Variants in TRPC4AP observed in about 807,000 individuals in gnomAD.
TRPC4AP encodes the protein short transient receptor potential channel 4-associated protein.
A neutral mutation model predicts 99.0 loss-of-function variants in TRPC4AP; 45 were observed. The observed-to-expected ratio is 0.45, with a 90% CI of 0.36 to 0.58. The LOEUF (loss-of-function observed/expected upper bound fraction) is 0.58. Among genes scored for constraint, TRPC4AP ranks in the 20% least tolerant of loss-of-function variants. The probability of loss-of-function intolerance (pLI) is 0.00; values close to 1 mark genes in which losing one functional copy is unlikely to be tolerated. For missense variants in TRPC4AP, 879 were observed against 985.3 expected (o/e 0.89, Z 1.44); for synonymous variants, 408 against 385.8 (o/e 1.06, Z -0.67).
intron 9 of TRPC4AP, among the ~76,000 whole-genome samples, chr20:35,018,370 C>A (rs540204515): frequency 6.6e-6 from 1 of 152,016 alleles, no homozygotes; most frequent in Non-Finnish European, 1.5e-5. Flanking sequence ...CCAAGGCGGG[C>A]GGATCACTTG....
intron 7 of TRPC4AP, among the ~76,000 whole-genome samples, chr20:35,036,737 AG>A (rs1340590246): frequency 1.4e-5 from 2 of 147,730 alleles, no homozygotes; most frequent in African/African-American, 5.0e-5. Flanking sequence ...ACTTGAAGCT[AG>A]GAGTTTAAGA....
Position 35,013,009 on chromosome 20 carries a change from C to T in TRPC4AP, c.1408G>A (p.Glu470Lys), listed in dbSNP as rs769637017. ...RLLQSFSDHH[E>K]NKYLLLNNQE... ...TTGCAGGGACACTCTTGTACTTACT[C>T]GTGGTGGTCACTGAAGCTCTGAAGA... Residue 470 changes from glutamate to lysine, a missense_variant and splice_region_variant, in exon 11 of 19, where the codon GAG (glutamate) becomes AAG (lysine). This residue lies in a region of TRPC4AP where 603 missense variants were observed against 631.8 expected (regional missense o/e 0.95). Coordinates refer to ENST00000252015, the MANE Select transcript of TRPC4AP (RefSeq NM_015638.3). The T allele has an allele frequency of 2.8e-5, 45 of 1,613,950 alleles. No homozygotes were observed. Among genetic ancestry groups the T allele is most frequent in the Middle Eastern group, 1.6e-4 (1 of 6,084 alleles).
chr20:35,079,324 C>T, intron 1 of TRPC4AP, among the ~76,000 whole-genome samples: 1 of 152,164 alleles, frequency 6.6e-6, no homozygotes, highest in Admixed American at 6.5e-5. Flanking sequence ...TCAACTCTTA[C>T]AGTTAAAATA....
intron 4 of TRPC4AP, 146 bp downstream of exon 4, chr20:35,057,368 G>A: frequency 4.8e-6 from 3 of 629,646 alleles, no homozygotes; most frequent in Non-Finnish European, 5.7e-6. Flanking sequence ...TGCTTAGCTG[G>A]GGGAGGAGAG....
At chr20:35,033,657 G>A (rs1231738157) in intron 8 of TRPC4AP, among the ~76,000 whole-genome samples, 6 of 151,984 alleles carry the variant, frequency 3.9e-5, no homozygotes, top group Admixed American at 2.6e-4. Context: ...TGGTTCTCTG[G>A]TGAACTAGCT....
intron 1 of TRPC4AP, among the ~76,000 whole-genome samples, chr20:35,080,543 A>AAC (rs1569151076): frequency 6.8e-6 from 1 of 146,886 alleles, no homozygotes; most frequent in South Asian, 2.1e-4. Flanking sequence ...CTAAAAAAAA[A>AAC]AAAAAAAAAA....
intron 10 of TRPC4AP, 107 bp from the exon 11 acceptor site, chr20:35,013,173 T>TG (rs2082676597): frequency 1.4e-5 from 14 of 1,019,642 alleles, no homozygotes; most frequent in Non-Finnish European, 2.1e-5. Flanking sequence ...TCTGTCCTCA[T>TG]GTACCATGAG....
chr20:35,089,117 C>T (rs2084967815), intron 1 of TRPC4AP, among the ~76,000 whole-genome samples: 1 of 151,990 alleles, frequency 6.6e-6, no homozygotes, highest in African/African-American at 2.4e-5. Context: ...AATCCGCTCA[C>T]CTCAGCTTCC....
chr20:35,012,563 G>C (rs1421093590), intron 11 of TRPC4AP, among the ~76,000 whole-genome samples: 1 of 152,218 alleles, frequency 6.6e-6, no homozygotes, highest in African/African-American at 2.4e-5. Flanking sequence ...AAATAAATGA[G>C]CGCAGAATGT....
chr20:35,064,257 T>C (rs1392913599), intron 3 of TRPC4AP, among the ~76,000 whole-genome samples: 2 of 152,252 alleles, frequency 1.3e-5, no homozygotes, highest in South Asian at 2.1e-4. Context: ...CTTCTAGCTA[T>C]AGGCCAATAC....
At chr20:35,090,368 T>A (rs2085019684) in intron 1 of TRPC4AP, among the ~76,000 whole-genome samples, 1 of 125,408 alleles carries the variant, frequency 8.0e-6, no homozygotes, top group Non-Finnish European at 1.6e-5. Flanking sequence ...CAGCCTTGTA[T>A]CTGGTGAGCT....
chr20:35,080,429 A>C (rs990633090), intron 1 of TRPC4AP, among the ~76,000 whole-genome samples: 1 of 150,478 alleles, frequency 6.6e-6, no homozygotes, highest in Non-Finnish European at 1.5e-5. Flanking sequence ...TGAGCCCAGG[A>C]GGCAGAGGTT....
intron 3 of TRPC4AP, among the ~76,000 whole-genome samples, chr20:35,065,884 A>G (rs1214684512): frequency 1.3e-5 from 2 of 152,182 alleles, no homozygotes; most frequent in African/African-American, 4.8e-5. Flanking sequence ...TGATGAAACA[A>G]TTCAAAAGTA....
chr20:35,003,074 G>C lies in TRPC4AP; in HGVS notation c.*72C>G. On this transcript the variant is annotated 3_prime_UTR_variant, in exon 19 of 19. Coordinates refer to ENST00000252015, the MANE Select transcript of TRPC4AP (RefSeq NM_015638.3). ...AGAGCAGCAGGGAGGAACGGGAACA[G>C]GGCAGGGCGTGTGGCATCGTACCCA... is the stretch of plus-strand genomic sequence containing the variant. 6.3e-7 allele frequency: 1 copy of C among 1,588,838 alleles called. No individual in the cohort carries two copies. The highest frequency in any genetic ancestry group is 8.6e-7 in the Non-Finnish European group (1 of 1,166,186).
chr20:35,061,232 A>ATGG, intron 3 of TRPC4AP, among the ~76,000 whole-genome samples: 1 of 152,342 alleles, frequency 6.6e-6, no homozygotes, highest in Admixed American at 6.5e-5. Flanking sequence ...TATGAAAACA[A>ATGG]TTCCATTTAA....
Position 35,057,513 on chromosome 20 carries a change from C to T in TRPC4AP, c.472+1G>A. 1 of 1,611,342 alleles carries T rather than the reference C, an allele frequency of 6.2e-7. No homozygotes were observed. The highest frequency in any genetic ancestry group is 8.5e-7 in the Non-Finnish European group (1 of 1,178,360). ...GACCAGTAGCTAATAGGTATACTTA[C>T]TTTTCAGTTTCTGTCCCCGGATAGA... On this transcript the variant is annotated splice_donor_variant, in intron 4 of 18. Coordinates refer to ENST00000252015, the MANE Select transcript of TRPC4AP (RefSeq NM_015638.3). LOFTEE classifies it high-confidence loss of function.
At chr20:35,065,820 T>C (rs2084129563) in intron 3 of TRPC4AP, among the ~76,000 whole-genome samples, 1 of 152,200 alleles carries the variant, frequency 6.6e-6, no homozygotes, top group Non-Finnish European at 1.5e-5. Flanking sequence ...GCTACAGACC[T>C]ACATTATTAT....
At chr20:35,087,807 G>A (rs1161374882) in intron 1 of TRPC4AP, among the ~76,000 whole-genome samples, 1 of 152,170 alleles carries the variant, frequency 6.6e-6, no homozygotes, top group East Asian at 1.9e-4. Flanking sequence ...AGAACAAAAC[G>A]AAGGGAAGAA....
At chr20:35,072,625 T>C (rs2084348841) in intron 2 of TRPC4AP, among the ~76,000 whole-genome samples, 1 of 152,208 alleles carries the variant, frequency 6.6e-6, no homozygotes, top group South Asian at 2.1e-4. Flanking sequence ...GGCTCTGTTC[T>C]GTTCCACTGG....
Sources: allele counts gnomAD v4.1 joint callset (sites outside exome capture counted in the v4.1 genomes callset), GRCh38; gene constraint gnomAD v4.1.1; regional missense constraint gnomAD v4.1.1; transcripts MANE v1.5; gene names NCBI Gene and HGNC (gene_info 2026-07-23, HGNC 2026-07-21).